ZNF155: variants seen among roughly 807,000 people sequenced by gnomAD.
The protein encoded by ZNF155 is zinc finger protein 155, also known as KRAB A domain.
In ZNF155, 15 loss-of-function variants were observed where a neutral mutation model predicts 11.9. The observed-to-expected ratio is 1.26, with a 90% CI of 0.84 to 1.94. The LOEUF is 1.94. ZNF155 is among the 30% of genes most tolerant of loss of function. The pLI, the probability that ZNF155 is intolerant of heterozygous loss-of-function variation, is 0.00. For missense variants in ZNF155, 602 were observed against 639.1 expected (o/e 0.94, Z 0.63); for synonymous variants, 212 against 219.9 (o/e 0.96, Z 0.32).
At chr19:43,990,538 G>A (rs2147383875) in intron 2 of ZNF155, among the ~76,000 whole-genome samples, 1 of 152,300 alleles carries the variant, frequency 6.6e-6, no homozygotes, top group East Asian at 1.9e-4. Context: ...ACATGTCTAA[G>A]GCCACACAGT....
chr19:43,991,822 G>C lies in ZNF155; in HGVS notation c.143-20G>C. On this transcript the variant is annotated intron_variant, in intron 3 of 4. Coordinates refer to ENST00000270014, the MANE Select transcript of ZNF155 (RefSeq NM_198089.3). ...CCCAGAATGTGTTGGGATTCAGCAC[G>C]TGACCTTACCTATTCACAGGGCATC... 1 of 1,611,276 alleles carries C rather than the reference G, an allele frequency of 6.2e-7. No individual in the cohort carries two copies. Among genetic ancestry groups the C allele is most frequent in the Non-Finnish European group, 8.5e-7 (1 of 1,178,394 alleles).
chr19:43,987,959 C>G (rs1975518981), intron 1 of ZNF155, among the ~76,000 whole-genome samples: 1 of 152,152 alleles, frequency 6.6e-6, no homozygotes, highest in Admixed American at 6.5e-5. Context: ...TTTTCATCCC[C>G]TAACTGGACT....
intron 1 of ZNF155, among the ~76,000 whole-genome samples, chr19:43,986,780 G>A (rs919122084): frequency 1.7e-4 from 26 of 152,244 alleles, no homozygotes; most frequent in African/African-American, 5.3e-4. Context: ...ACTATTTCCT[G>A]ATAGTTGAAA....
In ZNF155 at chr19:43,997,652, C is replaced by T. The variant is rs1975956057; in HGVS notation, c.*178C>T. On this transcript the variant is annotated 3_prime_UTR_variant, in exon 5 of 5. Transcript: ENST00000270014. ...CAGCAAGGGAAGGGTCCCTGGAGAC[C>T]CCCAGCCAAACGGGTCAGTGTCTCA... is the stretch of plus-strand genomic sequence containing the variant. 2 of 639,008 alleles carry T rather than the reference C, an allele frequency of 3.1e-6. No individual in the cohort carries two copies. 39.6% of individuals were successfully genotyped at this position (639,008 alleles called of 1,614,324 possible).
At position 43,997,777 on chromosome 19, in the gene ZNF155, G is replaced by C. The variant is rs11881151; in HGVS notation, c.*303G>C. The C allele has an allele frequency of 0.63, 168,099 of 266,742 alleles. 56,232 individuals are homozygous for C. The highest frequency in any genetic ancestry group is 0.74 in the South Asian group (11,137 of 15,042). 16.5% of individuals were successfully genotyped at this position (266,742 alleles called of 1,614,324 possible). ...GATTGTGCCTGGAGACATGCCCATG[G>C]CTGCACAGATAGAAGAACCTCCAGC... On this transcript the variant is annotated 3_prime_UTR_variant, in exon 5 of 5. Coordinates refer to ENST00000270014, the MANE Select transcript of ZNF155 (RefSeq NM_198089.3).
chr19:43,992,485 T>C (rs1424313167), intron 4 of ZNF155, among the ~76,000 whole-genome samples: 3 of 152,278 alleles, frequency 2.0e-5, no homozygotes, highest in Non-Finnish European at 2.9e-5. Flanking sequence ...CTGAATGTTC[T>C]TGGAGGGAAA....
chr19:43,996,596 C>G lies in ZNF155; in HGVS notation c.739C>G (p.Leu247Val). The G allele has an allele frequency of 6.2e-7, 1 of 1,613,064 alleles. No homozygotes were observed. The highest frequency in any genetic ancestry group is 1.3e-5 in the African/African-American group (1 of 75,016). The stretch of plus-strand genomic sequence containing the variant: ...GAAAGGTTTCAGTCGTAGATCAGCA[C>G]TTAATGTTCATCGTAAATTACACAC... The part of the protein sequence containing the change: ...CGKGFSRRSA[L>V]NVHRKLHTGE... The change falls in exon 5 of 5, where the codon CTT becomes GTT. Residue 247 changes from leucine (L) to valine (V), a missense_variant. Leu to Val is a conservative substitution (Grantham distance 32). Transcript: ENST00000270014.
At chr19:43,994,580 A>C (rs1459302462) in intron 4 of ZNF155, among the ~76,000 whole-genome samples, 2 of 152,190 alleles carry the variant, frequency 1.3e-5, no homozygotes, top group Admixed American at 6.5e-5. Context: ...TCACTGACTG[A>C]TTTTTACAGG....
chr19:43,986,761 A>G (rs1975472288), intron 1 of ZNF155, among the ~76,000 whole-genome samples: 1 of 152,120 alleles, frequency 6.6e-6, no homozygotes, highest in Non-Finnish European at 1.5e-5. Flanking sequence ...CATTGTTATC[A>G]TCCTTATGAC....
chr19:43,991,633 G>T lies in ZNF155; in HGVS notation c.101G>T (p.Arg34Leu). 6.2e-7 allele frequency: 1 copy of T among 1,614,132 alleles called. No individual in the cohort carries two copies. The highest frequency in any genetic ancestry group is 8.5e-7 in the Non-Finnish European group (1 of 1,180,024). Residue 34 changes from arginine (R) to leucine (L), a missense_variant, in exon 3 of 5, where the codon CGA (arginine) becomes CTA (leucine). Coordinates refer to ENST00000270014, the MANE Select transcript of ZNF155 (RefSeq NM_198089.3). Reference protein sequence around the residue: ...LLDPAQRKLYRDVMLENFRNL... With the variant: ...LLDPAQRKLYLDVMLENFRNL... ...GACCCTGCCCAGAGGAAGCTGTACC[G>T]AGATGTGATGCTGGAGAACTTCAGG...
At chr19:43,995,573 AG>A (rs768887266) in intron 4 of ZNF155, among the ~76,000 whole-genome samples, 1 of 151,966 alleles carries the variant, frequency 6.6e-6, no homozygotes, top group Non-Finnish European at 1.5e-5. Flanking sequence ...TAGTAGGGAC[AG>A]GGTTTTGCTA....
Position 43,997,444 on chromosome 19 carries a change from A to G in ZNF155, c.1587A>G (p.Ile529Met), listed in dbSNP as rs771790793. 2 of 1,598,466 alleles carry G rather than the reference A, an allele frequency of 1.3e-6. No homozygotes were observed. Among genetic ancestry groups the G allele is most frequent in the Non-Finnish European group, 1.7e-6 (2 of 1,176,082 alleles). The change falls in exon 5 of 5, where the codon ATA (isoleucine) becomes ATG (methionine). Residue 529 changes from isoleucine to methionine, a missense_variant. By Grantham distance (10) the Ile-to-Met change is conservative. Transcript: ENST00000270014. ...ACAAGAGGCGCTTGAATCTGGATAT[A>G]CTTTTATCATTATTTCTAAATGACA... ...RRYKRRLNLD[I>M]LLSLFLNDT
At chr19:43,994,736 A>G (rs909361330) in intron 4 of ZNF155, among the ~76,000 whole-genome samples, 3 of 152,208 alleles carry the variant, frequency 2.0e-5, no homozygotes, top group African/African-American at 7.2e-5. Context: ...GACTCAAAGT[A>G]CTGTCAGTCA....
Position 43,996,252 on chromosome 19 carries a change from C to G in ZNF155, c.395C>G (p.Ser132Cys). Residue 132 changes from serine (S) to cysteine (C), a missense_variant, in exon 5 of 5, where the codon TCC (serine) becomes TGC (cysteine). Coordinates refer to ENST00000270014, the MANE Select transcript of ZNF155 (RefSeq NM_198089.3). ...SQFFENGDVP[S>C]QVEAGLPTIH... is the part of the protein sequence containing the mutation. ...TTCTTTGAAAATGGTGATGTCCCCT[C>G]CCAGGTTGAAGCAGGACTACCCACA... 6.2e-7 allele frequency: 1 copy of G among 1,614,184 alleles called. No homozygotes were observed. Among genetic ancestry groups the G allele is most frequent in the East Asian group, 2.2e-5 (1 of 44,890 alleles).
chr19:43,991,114 C>G (rs1975642412), intron 2 of ZNF155, among the ~76,000 whole-genome samples: 1 of 152,122 alleles, frequency 6.6e-6, no homozygotes, highest in South Asian at 2.1e-4. Flanking sequence ...CCACAGTTAC[C>G]TAAAACTTGT....
Position 43,997,273 on chromosome 19 carries a change from G to A in ZNF155, c.1416G>A (p.Leu472=). ...GKNFSRASSI[L]NHKRLHCQKK... ...ACTTTAGCCGGGCCTCAAGTATTTT[G>A]AATCATAAGAGACTCCACTGCCAGA... Residue 472 remains leucine, a synonymous_variant, in exon 5 of 5, where the codon TTG becomes TTA. Coordinates refer to ENST00000270014, the MANE Select transcript of ZNF155 (RefSeq NM_198089.3). 6.2e-7 allele frequency: 1 copy of A among 1,614,036 alleles called. No individual in the cohort carries two copies. The highest frequency in any genetic ancestry group is 8.5e-7 in the Non-Finnish European group (1 of 1,179,982).
At chr19:43,992,420 G>A (rs1227104159) in intron 4 of ZNF155, among the ~76,000 whole-genome samples, 1 of 152,192 alleles carries the variant, frequency 6.6e-6, no homozygotes, top group African/African-American at 2.4e-5. Flanking sequence ...TAGGCCTGAA[G>A]TTTGATACAT....
In ZNF155 at chr19:43,997,044, G is replaced by T. The variant is rs1975911908; in HGVS notation, c.1187G>T (p.Gly396Val). 1 of 1,613,740 alleles carries T rather than the reference G, an allele frequency of 6.2e-7. No homozygotes were observed. The highest frequency in any genetic ancestry group is 1.7e-5 in the Admixed American group (1 of 59,994). The part of the protein sequence containing the change: ...CLLNHQRVHS[G>V]EKSFKCEECG... ...TTGAACCATCAGCGAGTCCACAGTGGAGAAAAAAGCTTCAAATGTGAAGAA... is the reference window on the plus strand; with the variant it reads ...TTGAACCATCAGCGAGTCCACAGTGTAGAAAAAAGCTTCAAATGTGAAGAA... The change falls in exon 5 of 5, where the codon GGA becomes GTA. Residue 396 changes from glycine to valine, a missense_variant. Physicochemically the swap from Gly to Val is moderately radical, Grantham distance 109. Coordinates refer to ENST00000270014, the MANE Select transcript of ZNF155 (RefSeq NM_198089.3).
chr19:43,988,416 A>G (rs414402), intron 1 of ZNF155, 43 bp from the exon 2 acceptor site: 311,321 of 964,278 alleles, frequency 0.32, 54,150 homozygotes, highest in East Asian at 0.54. Context: ...TGCTGTGATC[A>G]TTCATGGGCT....
Sources: allele counts gnomAD v4.1 joint callset (sites outside exome capture counted in the v4.1 genomes callset), GRCh38; gene constraint gnomAD v4.1.1; transcripts MANE v1.5; gene names NCBI Gene and HGNC (gene_info 2026-07-23, HGNC 2026-07-21).